The following AKNAD1 variants were observed in gnomAD, a reference collection of about 807,000 sequenced individuals.
AKNAD1 encodes the protein AKNA domain containing 1.
AKNAD1 carries 67 observed loss-of-function variants against 90.8 expected under a neutral mutation model. The observed-to-expected ratio is 0.74, with a 90% CI of 0.61 to 0.90. The LOEUF is 0.90. AKNAD1 is among the 40% of genes least tolerant of loss of function. The pLI is 0.00. For synonymous variants in AKNAD1, 327 were observed against 341.4 expected (o/e 0.96, Z 0.46); for missense variants, 957 against 975.4 (o/e 0.98, Z 0.25).
Position 108,834,995 on chromosome 1 carries a change from G to C in AKNAD1, c.1598C>G (p.Thr533Arg), listed in dbSNP as rs1289909464. The stretch of plus-strand genomic sequence containing the variant: ...CTGCGGCCCTCCTTGGGGTGTCCCT[G>C]TTACCTCACTCCCACCTGAGCCTCG... ...GPRGSGGSEV[T>R]GTPQGGPQEA... Residue 533 changes from threonine to arginine, a missense_variant, in exon 8 of 16, where the codon ACA (threonine) becomes AGA (arginine). Transcript: ENST00000370001. 4 of 1,566,838 alleles carry C rather than the reference G, an allele frequency of 2.6e-6. No homozygotes were observed. Among genetic ancestry groups the C allele is most frequent in the Non-Finnish European group, 2.6e-6 (3 of 1,164,032 alleles).
Position 108,837,670 on chromosome 1 carries a change from C to G in AKNAD1, c.1416G>C (p.Leu472=), listed in dbSNP as rs776635696. ...CCATTTTCTCTTTAACATCTTCAAG[C>G]AGCATCTCCAATTTGAAGATTTCAC... ...VEGEIFKLEM[L]LEDVKEKMDE... Residue 472 remains leucine (L), a synonymous_variant, in exon 7 of 16, where the codon CTG becomes CTC. Transcript: ENST00000370001. The G allele has an allele frequency of 4.3e-6, 7 of 1,614,050 alleles. No individual in the cohort carries two copies. The highest frequency in any genetic ancestry group is 1.7e-6 in the Non-Finnish European group (2 of 1,180,024).
chr1:108,830,618 A>G lies in AKNAD1; in HGVS notation c.1779T>C (p.Asp593=). 6.2e-7 allele frequency: 1 copy of G among 1,614,036 alleles called. No individual in the cohort carries two copies. Among genetic ancestry groups the G allele is most frequent in the Non-Finnish European group, 8.5e-7 (1 of 1,180,010 alleles). ...EDPNGTPRRQ[D]CAEMTAPSPS... Reference sequence around the variant, plus strand: ...GACTGGGTGCCGTCATCTCTGCACAATCCTGCCTTCTTGGAGTGCCGTTGG... The same window carrying G: ...GACTGGGTGCCGTCATCTCTGCACAGTCCTGCCTTCTTGGAGTGCCGTTGG... The change falls in exon 10 of 16, where the codon GAT becomes GAC. Residue 593 remains aspartate, a synonymous_variant. Transcript: ENST00000370001.
chr1:108,834,951 G>A lies in AKNAD1; in HGVS notation c.1642C>T (p.Leu548Phe). The A allele has an allele frequency of 6.5e-7, 1 of 1,545,368 alleles. No individual in the cohort carries two copies. The highest frequency in any genetic ancestry group is 8.7e-7 in the Non-Finnish European group (1 of 1,155,428). ...GGPQEAPNEE[L>F]CELAPQTYLN... ...CACGTCTGCGGGGCCAGCTCACAGA[G>A]CTCCTCGTTGGGGGCCTCCTGCGGC... Residue 548 changes from leucine to phenylalanine, a missense_variant, in exon 8 of 16, where the codon CTC becomes TTC. Transcript: ENST00000370001.
intron 14 of AKNAD1, among the ~76,000 whole-genome samples, chr1:108,819,443 C>T (rs1663738981): frequency 6.8e-6 from 1 of 146,788 alleles, no homozygotes; most frequent in South Asian, 2.2e-4. Flanking sequence ...CATAGTAAGA[C>T]CCCATCTCTA....
chr1:108,851,874 A>C lies in AKNAD1; in HGVS notation c.791T>G (p.Ile264Ser), dbSNP rs376331624. 4.2e-5 allele frequency: 68 copies of C among 1,613,966 alleles called. No individual in the cohort carries two copies. In the South Asian group the frequency reaches 6.3e-4, roughly 15 times the overall value. ...VHYQLPDFSK[I>S]APKVKIPKNK... ...TTTAGGAATTTTCACTTTGGGAGCA[A>C]TCTTAGAGAAATCAGGGAGCTGGTA... is the stretch of plus-strand genomic sequence containing the variant. Residue 264 changes from isoleucine to serine, a missense_variant, in exon 2 of 16, where the codon ATT becomes AGT. Physicochemically the swap from Ile to Ser is moderately radical, Grantham distance 142 (BLOSUM62 -2). Coordinates refer to ENST00000370001, the MANE Select transcript of AKNAD1 (RefSeq NM_152763.5).
At chr1:108,820,250 GT>G (rs1438694799) in intron 14 of AKNAD1, among the ~76,000 whole-genome samples, 2 of 152,162 alleles carry the variant, frequency 1.3e-5, no homozygotes, top group Non-Finnish European at 2.9e-5. Flanking sequence ...GACTTTGTAC[GT>G]CCCCTTCTTG....
chr1:108,837,364 C>T, intron 7 of AKNAD1, 186 bp downstream of exon 7: 3 of 550,962 alleles, frequency 5.4e-6, no homozygotes. Context: ...AAAATTAACA[C>T]TTGAAATAGC....
intron 5 of AKNAD1, among the ~76,000 whole-genome samples, chr1:108,844,232 G>A (rs531092392): frequency 5.3e-5 from 8 of 152,146 alleles, no homozygotes; most frequent in Non-Finnish European, 1.2e-4. Context: ...GCATGGTGGT[G>A]CGTGCCTGTA....
rs1192067689 is a variant in AKNAD1 at position 108,820,549 on chromosome 1, C to A, written c.2245G>T (p.Gly749Ter). 6.3e-7 allele frequency: 1 copy of A among 1,589,450 alleles called. No homozygotes were observed. Among genetic ancestry groups the A allele is most frequent in the African/African-American group, 1.3e-5 (1 of 74,324 alleles). The change falls in exon 14 of 16, where the codon GGA becomes TGA. Residue 749 changes from glycine to a stop codon, truncating the protein, a stop_gained. Transcript: ENST00000370001. LOFTEE classifies it high-confidence loss of function. ...SFKGEHEPTPGKKKLQAFMTY... is the reference protein window; with the variant it reads ...SFKGEHEPTP Reference sequence around the variant, plus strand: ...TGATAATGAAATAATACTTACTTTCCTGGTGTGGGCTCATGTTCACCTTTA... The same window carrying A: ...TGATAATGAAATAATACTTACTTTCATGGTGTGGGCTCATGTTCACCTTTA...
chr1:108,843,844 A>G (rs1277014), intron 5 of AKNAD1, among the ~76,000 whole-genome samples: 138,474 of 152,110 alleles, frequency 0.91, 63,268 homozygotes, highest in East Asian at 1. Flanking sequence ...TCTTCCAGAC[A>G]TCACTACGTG....
chr1:108,854,536 T>C (rs1664976539), intron 1 of AKNAD1, among the ~76,000 whole-genome samples: 2 of 152,188 alleles, frequency 1.3e-5, no homozygotes, highest in African/African-American at 4.8e-5. Context: ...ACAAACTAAA[T>C]GTGGTAAAAG....
intron 13 of AKNAD1, among the ~76,000 whole-genome samples, chr1:108,822,670 A>G (rs1399656003): frequency 6.6e-6 from 1 of 152,170 alleles, no homozygotes; most frequent in African/African-American, 2.4e-5. Flanking sequence ...CTCTGAAGGT[A>G]TGAGGCCAAG....
At chr1:108,835,753 T>C (rs1198883425) in intron 7 of AKNAD1, among the ~76,000 whole-genome samples, 1 of 151,642 alleles carries the variant, frequency 6.6e-6, no homozygotes, top group African/African-American at 2.4e-5. Context: ...GCCTCCCAAG[T>C]AGCTGGGATT....
At chr1:108,827,350 TA>T (rs757495699) in intron 10 of AKNAD1, 48 bp from the exon 11 acceptor site, 88 of 1,372,950 alleles carry the variant, frequency 6.4e-5, no homozygotes, top group Non-Finnish European at 9.0e-5. Context: ...GCATTTCCAA[TA>T]GATAGGGAAA....
intron 11 of AKNAD1, among the ~76,000 whole-genome samples, chr1:108,825,935 T>C (rs1212396219): frequency 2.0e-5 from 3 of 151,658 alleles, no homozygotes; most frequent in Admixed American, 1.3e-4. Flanking sequence ...ATCTTGAATA[T>C]CTGGCTTAAT....
At chr1:108,830,515 T>A in intron 10 of AKNAD1, 44 bp downstream of exon 10, 1 of 1,587,864 alleles carries the variant, frequency 6.3e-7, no homozygotes, top group Non-Finnish European at 8.6e-7. Flanking sequence ...ATGCCAGGAC[T>A]GACTCCAATC....
Position 108,851,741 on chromosome 1 carries a change from C to T in AKNAD1, c.924G>A (p.Glu308=), listed in dbSNP as rs1185734022. Residue 308 remains glutamate (E), a synonymous_variant, in exon 2 of 16, where the codon GAG becomes GAA. Coordinates refer to ENST00000370001, the MANE Select transcript of AKNAD1 (RefSeq NM_152763.5). ...GATGTTGTTTTTCAACACAGTTTGA[C>T]TCAGGCGTGGTTTCTAGACTATCTT... The part of the protein sequence containing the change: ...LVQDSLETTP[E]SNCVEKQHQE... 9 of 1,609,984 alleles carry T rather than the reference C, an allele frequency of 5.6e-6. No homozygotes were observed. The highest frequency in any genetic ancestry group is 1.3e-5 in the African/African-American group (1 of 74,510).
At chr1:108,841,172 C>T (rs1449525188) in intron 6 of AKNAD1, among the ~76,000 whole-genome samples, 1 of 151,500 alleles carries the variant, frequency 6.6e-6, no homozygotes, top group Non-Finnish European at 1.5e-5. Context: ...GACTCCATCT[C>T]AAATAATAAT....
At chr1:108,823,812 CG>C in intron 11 of AKNAD1, 124 bp from the exon 12 acceptor site, 1 of 1,454,632 alleles carries the variant, frequency 6.9e-7, no homozygotes, top group Non-Finnish European at 9.3e-7. Context: ...CTTAATGTCC[CG>C]GCTGTGTCAC....
Sources: gnomAD v4.1 joint callset for allele counts (sites outside exome capture counted in the v4.1 genomes callset) on GRCh38, gnomAD v4.1.1 for gene constraint, MANE v1.5 for transcripts, NCBI Gene and HGNC (gene_info 2026-07-23, HGNC 2026-07-21) for gene names.